Variants in ASTN1 observed in about 807,000 individuals in gnomAD.
ASTN1 encodes astrotactin-1.
A neutral mutation model predicts 140.7 loss-of-function variants in ASTN1; 41 were observed. That is an observed-to-expected ratio of 0.29 (90% confidence interval 0.23 to 0.38). The LOEUF is 0.38. Among genes scored for constraint, ASTN1 ranks in the 10% least tolerant of loss-of-function variants. The pLI is 1.00. For missense variants in ASTN1, 1,479 were observed against 1,678.8 expected, an observed-to-expected ratio of 0.88 and a Z score of 2.08; for synonymous variants, 640 against 652.2, an observed-to-expected ratio of 0.98 and a Z score of 0.29.
intron 21 of ASTN1, among the ~76,000 whole-genome samples, chr1:176,869,281 G>A (rs1440816611): frequency 6.6e-6 from 1 of 152,078 alleles, no homozygotes; most frequent in Non-Finnish European, 1.5e-5. Flanking sequence ...TACAGAAAGA[G>A]CATTGAACCC....
At chr1:177,120,150 G>T (rs898584079) in intron 1 of ASTN1, among the ~76,000 whole-genome samples, 1 of 152,186 alleles carries the variant, frequency 6.6e-6, no homozygotes, top group Non-Finnish European at 1.5e-5. Flanking sequence ...CCTATAGCTG[G>T]TCTCAAGCTC....
At chr1:177,145,642 A>G (rs1682687089) in intron 1 of ASTN1, among the ~76,000 whole-genome samples, 1 of 152,348 alleles carries the variant, frequency 6.6e-6, no homozygotes, top group African/African-American at 2.4e-5. Context: ...CAGAAAGAGG[A>G]GACCAGGAAC....
intron 17 of ASTN1, among the ~76,000 whole-genome samples, chr1:176,888,831 A>G (rs1479247672): frequency 6.6e-6 from 1 of 152,210 alleles, no homozygotes; most frequent in East Asian, 1.9e-4. Context: ...TGCTTTGCCA[A>G]TCACTGCCAT....
intron 3 of ASTN1, among the ~76,000 whole-genome samples, chr1:177,031,423 A>T (rs1035784157): frequency 5.3e-5 from 8 of 152,150 alleles, no homozygotes; most frequent in Non-Finnish European, 7.3e-5. Flanking sequence ...TGGCCTCCTA[A>T]AGGCATTTGA....
chr1:177,121,898 T>C (rs777720368), intron 1 of ASTN1, among the ~76,000 whole-genome samples: 31 of 152,330 alleles, frequency 2.0e-4, no homozygotes, highest in Non-Finnish European at 3.2e-4. Flanking sequence ...GTGGCCCTGC[T>C]GGCAGTGCAG....
intron 1 of ASTN1, among the ~76,000 whole-genome samples, chr1:177,076,508 CTT>C (rs1164636072): frequency 1.4e-5 from 2 of 148,084 alleles, no homozygotes; most frequent in Non-Finnish European, 3.0e-5. Context: ...AGTTGCTTTT[CTT>C]TATCTTTTCT....
chr1:176,875,450 A>G (rs771724838), intron 21 of ASTN1, among the ~76,000 whole-genome samples: 1 of 152,186 alleles, frequency 6.6e-6, no homozygotes, highest in African/African-American at 2.4e-5. Context: ...CTGTGTTGGA[A>G]ATAACCCTAC....
chr1:177,071,068 G>C (rs139547313), intron 1 of ASTN1, among the ~76,000 whole-genome samples: 1 of 152,306 alleles, frequency 6.6e-6, no homozygotes, highest in East Asian at 1.9e-4. Flanking sequence ...GGAACTATAA[G>C]TCCAGGAATC....
At position 176,861,458 on chromosome 1, in the gene ASTN1, G is replaced by A. The variant is rs1008638621; in HGVS notation, c.*2826C>T. ...TTTGGCAGCTTGAAAACTCAAGGTTGAATACCGGTCCAGTACCATCACCCT... is the reference window on the plus strand; with the variant it reads ...TTTGGCAGCTTGAAAACTCAAGGTTAAATACCGGTCCAGTACCATCACCCT... On this transcript the variant is annotated 3_prime_UTR_variant, in exon 23 of 23. Transcript: ENST00000361833. 91 of 985,724 alleles carry A rather than the reference G, an allele frequency of 9.2e-5. No homozygotes were observed. Among genetic ancestry groups the A allele is most frequent in the Non-Finnish European group, 9.2e-5 (76 of 829,952 alleles). 61.1% of individuals were successfully genotyped at this position (985,724 alleles called of 1,614,324 possible). A position where few individuals can be genotyped will look rare whatever the true frequency, so the allele number is the denominator to read the frequency against.
rs143020294 is a variant in ASTN1 at position 177,155,785 on chromosome 1, A to C, written c.283+8609T>G. Among the ~76,000 whole-genome samples the C allele has an allele frequency of 1.6e-3, 243 of 152,304 alleles. 1 individual carries two copies. Among genetic ancestry groups the C allele is most frequent in the African/African-American group, 5.2e-3 (217 of 41,574 alleles). On this transcript the variant is annotated intron_variant, in intron 1 of 22. Coordinates refer to ENST00000361833, the MANE Select transcript of ASTN1 (RefSeq NM_004319.3). ...GATTAAAGCTGGAGACATCAGTATGAACTCATGATTAGCTTAATATAGACA... is the reference window on the plus strand; with the variant it reads ...GATTAAAGCTGGAGACATCAGTATGCACTCATGATTAGCTTAATATAGACA...
At chr1:177,119,259 T>A (rs1431752047) in intron 1 of ASTN1, among the ~76,000 whole-genome samples, 1 of 152,212 alleles carries the variant, frequency 6.6e-6, no homozygotes, top group Non-Finnish European at 1.5e-5. Context: ...ACCTGTACAG[T>A]GCTGGTGCCT....
chr1:176,883,106 C>T, intron 19 of ASTN1, 112 bp from the exon 20 acceptor site: 1 of 1,429,190 alleles, frequency 7.0e-7, no homozygotes, highest in Non-Finnish European at 9.6e-7. Flanking sequence ...GGTCCTCAAT[C>T]TCTAGAGTAG....
intron 2 of ASTN1, among the ~76,000 whole-genome samples, chr1:177,033,266 T>C (rs895808271): frequency 6.6e-6 from 1 of 152,074 alleles, no homozygotes; most frequent in East Asian, 1.9e-4. Context: ...TGGGGTGACA[T>C]CTGGTTTCTT....
rs748372583 is a variant in ASTN1 at position 176,869,023 on chromosome 1, T to C, written c.3468A>G (p.Ile1156Met). Reference sequence around the variant, plus strand: ...TGAAGAGATTGTAGATCTTGTCTGCTATTTCTGAGGAAGGAGGAAAAGGAA... The same window carrying C: ...TGAAGAGATTGTAGATCTTGTCTGCCATTTCTGAGGAAGGAGGAAAAGGAA... ...PVVDDVKAQE[I>M]ADKIYNLFNG... Residue 1156 changes from isoleucine to methionine, a missense_variant, in exon 22 of 23, where the codon ATA (isoleucine) becomes ATG (methionine). This residue lies in a region of ASTN1 where 746 missense variants were observed against 800.9 expected (regional missense o/e 0.93). Transcript: ENST00000361833. 3 of 1,578,658 alleles carry C rather than the reference T, an allele frequency of 1.9e-6. No individual in the cohort carries two copies. Among genetic ancestry groups the C allele is most frequent in the Non-Finnish European group, 1.7e-6 (2 of 1,162,494 alleles).
chr1:177,032,114 T>C (rs1379057471), intron 3 of ASTN1, among the ~76,000 whole-genome samples: 1 of 152,196 alleles, frequency 6.6e-6, no homozygotes, highest in Non-Finnish European at 1.5e-5. Flanking sequence ...CAAGAAGTCA[T>C]ATACACATGT....
chr1:176,986,268 G>A (rs574115829), intron 8 of ASTN1, among the ~76,000 whole-genome samples: 3 of 152,266 alleles, frequency 2.0e-5, no homozygotes, highest in East Asian at 1.9e-4. Flanking sequence ...TCACTCCAGA[G>A]GTGGGAATAA....
At chr1:176,936,184 A>G (rs771243756) in intron 15 of ASTN1, 82 bp downstream of exon 15, 1 of 1,250,444 alleles carries the variant, frequency 8.0e-7, no homozygotes, top group Non-Finnish European at 1.2e-6. Flanking sequence ...CATCTTCGAC[A>G]GTGGGACCAA....
intron 2 of ASTN1, among the ~76,000 whole-genome samples, chr1:177,035,949 G>A (rs1378507775): frequency 1.3e-5 from 2 of 150,088 alleles, no homozygotes; most frequent in African/African-American, 4.9e-5. Context: ...TGCTAAGCCA[G>A]TATATTTAGC....
At chr1:176,979,607 G>A (rs1673518804) in intron 8 of ASTN1, among the ~76,000 whole-genome samples, 1 of 152,238 alleles carries the variant, frequency 6.6e-6, no homozygotes, top group South Asian at 2.1e-4. Flanking sequence ...TTAGTCCCTC[G>A]AGGGCAGGGA....
Sources: gnomAD v4.1 joint callset for allele counts (sites outside exome capture counted in the v4.1 genomes callset) on GRCh38, gnomAD v4.1.1 for gene constraint, gnomAD v4.1.1 regional missense constraint, MANE v1.5 for transcripts, NCBI Gene and HGNC (gene_info 2026-07-23, HGNC 2026-07-21) for gene names.